CFAP20DC: variants seen among roughly 807,000 people sequenced by gnomAD.
The protein encoded by CFAP20DC is protein CFAP20DC.
In CFAP20DC, 84 loss-of-function variants were observed where a neutral mutation model predicts 101.7. That is an observed-to-expected ratio of 0.83 (90% CI 0.69 to 0.99). The LOEUF is 0.99. Among genes scored for constraint, CFAP20DC ranks in the 50% least tolerant of loss-of-function variants. The probability of loss-of-function intolerance (pLI) is 0.00; values close to 1 mark genes in which losing one functional copy is unlikely to be tolerated. For synonymous variants in CFAP20DC, 359 were observed against 351.2 expected, an observed-to-expected ratio of 1.02 and a Z score of -0.25; for missense variants, 1,007 against 970.3, an observed-to-expected ratio of 1.04 and a Z score of -0.50.
chr3:58,900,514 T>C (rs1013168352), intron 6 of CFAP20DC, among the ~76,000 whole-genome samples: 1 of 152,234 alleles, frequency 6.6e-6, no homozygotes, highest in African/African-American at 2.4e-5. Context: ...CTTTCAGACA[T>C]GTTCTATCTT....
At chr3:59,045,692 T>C (rs1478615249) in intron 3 of CFAP20DC, among the ~76,000 whole-genome samples, 3 of 152,136 alleles carry the variant, frequency 2.0e-5, no homozygotes, top group Non-Finnish European at 4.4e-5. Context: ...TTCATATATA[T>C]ACTTTATGAT....
At chr3:58,759,984 G>C (rs1252876441) in intron 15 of CFAP20DC, among the ~76,000 whole-genome samples, 10 of 152,146 alleles carry the variant, frequency 6.6e-5, no homozygotes, top group Non-Finnish European at 1.3e-4. Flanking sequence ...CTCCAGCTTT[G>C]TTCTTTTGGC....
rs1009775119 is a variant in CFAP20DC, at chr3:58,724,800, G to C, written c.198-7172C>G. Among the ~76,000 whole-genome samples, 3 of 152,096 alleles carry C rather than the reference G, an allele frequency of 2.0e-5. No individual in the cohort carries two copies. The highest frequency in any genetic ancestry group is 7.2e-5 in the African/African-American group (3 of 41,402). ...ATCCTTTGTCGCCACCGGACTTCGG[G>C]TACCCTACGGGTGGGTGGTGTTGAG... On this transcript the variant is annotated intron_variant, in intron 3 of 3. Coordinates refer to the CFAP20DC transcript ENST00000486145. The surrounding 1 kb of genome is among the most constrained non-coding windows in gnomAD (Gnocchi z 5.6).
intron 4 of CFAP20DC, among the ~76,000 whole-genome samples, chr3:59,011,169 G>A (rs1178629108): frequency 2.6e-5 from 4 of 152,142 alleles, no homozygotes; most frequent in South Asian, 2.1e-4. Context: ...AGCCCAAGGC[G>A]GGAGAATCAC....
chr3:58,947,387 C>G (rs544366288), intron 4 of CFAP20DC, among the ~76,000 whole-genome samples: 1 of 152,316 alleles, frequency 6.6e-6, no homozygotes, highest in South Asian at 2.1e-4. Flanking sequence ...AACCTGGAAT[C>G]CATGGGCTTA....
chr3:58,789,793 A>T (rs1042548199), intron 15 of CFAP20DC, among the ~76,000 whole-genome samples: 1 of 152,208 alleles, frequency 6.6e-6, no homozygotes, highest in Non-Finnish European at 1.5e-5. Context: ...TGATTGGACC[A>T]TTATTGTGAG....
intron 15 of CFAP20DC, among the ~76,000 whole-genome samples, chr3:58,773,827 A>G (rs1262163701): frequency 1.3e-5 from 2 of 152,242 alleles, no homozygotes; most frequent in Admixed American, 1.3e-4. Flanking sequence ...ATTCAATGAT[A>G]TAACTTGACA....
chr3:58,767,425 G>T (rs953900319), intron 15 of CFAP20DC, among the ~76,000 whole-genome samples: 14 of 152,136 alleles, frequency 9.2e-5, no homozygotes, highest in African/African-American at 3.4e-4. Context: ...AAGAAAATTT[G>T]TGTTCCTTTT....
At position 58,899,495 on chromosome 3, in the gene CFAP20DC, C is replaced by T. The variant is rs181677774; in HGVS notation, c.550+14213G>A. On this transcript the variant is annotated intron_variant, in intron 6 of 16. Coordinates refer to ENST00000482387, the MANE Select transcript of CFAP20DC (RefSeq NM_001394063.1). The surrounding 1 kb of genome is among the most constrained non-coding windows in gnomAD (Gnocchi z 5.0). ...CCCTTCCTAGGGATGGATCTCCCAC[C>T]TTGCTGAGAATCCTGGGGGTGGAGT... 6.6e-6 allele frequency among the ~76,000 whole-genome samples: 1 copy of T among 152,196 alleles called. No homozygotes were observed. The highest frequency in any genetic ancestry group is 6.5e-5 in the Admixed American group (1 of 15,284).
chr3:58,843,704 A>T (rs1022448289), intron 13 of CFAP20DC, among the ~76,000 whole-genome samples: 4 of 150,466 alleles, frequency 2.7e-5, no homozygotes, highest in Non-Finnish European at 6.0e-5. Context: ...TCCAAGACAC[A>T]TAATTGTCAG....
chr3:58,782,122 G>A (rs2071889342), intron 15 of CFAP20DC, among the ~76,000 whole-genome samples: 1 of 151,984 alleles, frequency 6.6e-6, no homozygotes, highest in Non-Finnish European at 1.5e-5. Context: ...ATCAACCTAT[G>A]CAAATCAGTA....
At chr3:59,040,207 T>C (rs1195011341) in intron 3 of CFAP20DC, among the ~76,000 whole-genome samples, 1 of 152,042 alleles carries the variant, frequency 6.6e-6, no homozygotes, top group African/African-American at 2.4e-5. Context: ...TTAACATATA[T>C]TTAATTAATT....
intron 4 of CFAP20DC, among the ~76,000 whole-genome samples, chr3:58,968,897 A>C (rs939891570): frequency 3.3e-5 from 5 of 152,184 alleles, no homozygotes; most frequent in African/African-American, 9.7e-5. Flanking sequence ...TGGTGTAAGG[A>C]AGGGGTTCAG....
intron 5 of CFAP20DC, among the ~76,000 whole-genome samples, chr3:58,932,001 AG>A (rs2086772048): frequency 6.6e-6 from 1 of 152,178 alleles, no homozygotes; most frequent in African/African-American, 2.4e-5. Context: ...TTCAAACCAA[AG>A]GCAAAGAAGT....
At chr3:58,801,979 A>G (rs1038462039) in intron 15 of CFAP20DC, among the ~76,000 whole-genome samples, 2 of 152,198 alleles carry the variant, frequency 1.3e-5, no homozygotes, top group African/African-American at 4.8e-5. Flanking sequence ...TTCCATGAAC[A>G]TTTAGAACCT....
At chr3:58,937,986 T>C (rs973041568) in intron 4 of CFAP20DC, among the ~76,000 whole-genome samples, 1 of 152,208 alleles carries the variant, frequency 6.6e-6, no homozygotes, top group Non-Finnish European at 1.5e-5. Flanking sequence ...AATATGCTAA[T>C]TTATTTCAGT....
intron 4 of CFAP20DC, among the ~76,000 whole-genome samples, chr3:58,946,129 T>C (rs972583253): frequency 2.7e-5 from 4 of 148,876 alleles, no homozygotes; most frequent in Non-Finnish European, 6.0e-5. Context: ...TTTTTTTTTT[T>C]TTTTTGAGAT....
At chr3:58,748,520 T>C (rs2068358400) in intron 16 of CFAP20DC, among the ~76,000 whole-genome samples, 1 of 152,118 alleles carries the variant, frequency 6.6e-6, no homozygotes, top group Non-Finnish European at 1.5e-5. Context: ...AATCACTTCC[T>C]GCAGAGAAGA....
intron 4 of CFAP20DC, among the ~76,000 whole-genome samples, chr3:59,022,376 A>G (rs1490022795): frequency 6.6e-6 from 1 of 152,054 alleles, no homozygotes; most frequent in East Asian, 1.9e-4. Context: ...ATTGGATAAG[A>G]TTTGTAGATG....
Sources: allele counts gnomAD v4.1 joint callset (sites outside exome capture counted in the v4.1 genomes callset), GRCh38; gene constraint gnomAD v4.1.1; non-coding constraint Gnocchi (gnomAD v3.1); transcripts MANE v1.5; gene names NCBI Gene and HGNC (gene_info 2026-07-23, HGNC 2026-07-21).